Variants in SPATS2 observed in about 807,000 individuals in gnomAD.
SPATS2 encodes spermatogenesis associated serine rich 2, also known as spermatogenesis-associated serine-rich protein 2.
SPATS2 carries 38 observed loss-of-function variants against 63.7 expected under a neutral mutation model. That is an observed-to-expected ratio of 0.60 (90% confidence interval 0.46 to 0.78). The LOEUF is 0.78. SPATS2 is among the 30% of genes least tolerant of loss of function. The pLI is 0.00. For missense variants in SPATS2, 588 were observed against 666.2 expected (o/e 0.88, Z 1.29); for synonymous variants, 207 against 232.9 (o/e 0.89, Z 1.01).
intron 2 of SPATS2, among the ~76,000 whole-genome samples, chr12:49,375,120 A>T (rs1018004644): frequency 6.7e-6 from 1 of 149,836 alleles, no homozygotes; most frequent in Non-Finnish European, 1.5e-5. Flanking sequence ...AATTAACAAG[A>T]TGTATGATTG....
chr12:49,389,985 G>A lies in SPATS2; in HGVS notation c.-244+18695G>A, dbSNP rs1944391783. ...TGAAGAAAGCCATTGAAATTGACAA[G>A]CAACAGGATTGCAAGGAACAAGAAC... On this transcript the variant is annotated intron_variant, in intron 2 of 13. Coordinates refer to ENST00000552918, the MANE Select transcript of SPATS2 (RefSeq NM_023071.4). 2.2e-5 allele frequency: 18 copies of A among 833,010 alleles called. No individual in the cohort carries two copies. The South Asian group carries it at 2.2e-4, about 10-fold the overall frequency. The allele number at this position is 833,010 out of a possible 1,614,324, so 51.6% of individuals were successfully genotyped here.
At chr12:49,520,831 G>A (rs564008526) in intron 11 of SPATS2, among the ~76,000 whole-genome samples, 139 of 151,776 alleles carry the variant, frequency 9.2e-4, no homozygotes, top group Non-Finnish European at 1.6e-3. Context: ...CGATTCTCGT[G>A]CCTCAGCCTC....
intron 2 of SPATS2, among the ~76,000 whole-genome samples, chr12:49,396,471 A>G (rs1324622789): frequency 6.6e-6 from 1 of 152,146 alleles, no homozygotes; most frequent in East Asian, 1.9e-4. Flanking sequence ...CTTGAGTCCT[A>G]TGTACCTCAG....
chr12:49,390,504 T>A (rs190589733), intron 2 of SPATS2, among the ~76,000 whole-genome samples: 1 of 152,324 alleles, frequency 6.6e-6, no homozygotes, highest in East Asian at 1.9e-4. Context: ...CATAAAATTA[T>A]ATCAATTTAA....
At chr12:49,425,653 C>G (rs535869836) in intron 2 of SPATS2, among the ~76,000 whole-genome samples, 5 of 150,998 alleles carry the variant, frequency 3.3e-5, no homozygotes, top group African/African-American at 9.7e-5. Context: ...TTTTTTGAGA[C>G]GGAGTCTTCT....
At chr12:49,501,788 T>G (rs1028307428) in intron 9 of SPATS2, among the ~76,000 whole-genome samples, 2 of 152,118 alleles carry the variant, frequency 1.3e-5, no homozygotes, top group Admixed American at 1.3e-4. Context: ...GCTAATTTTT[T>G]GTGTGTTTTT....
At chr12:49,497,738 T>A (rs1051020895) in intron 8 of SPATS2, among the ~76,000 whole-genome samples, 7 of 152,214 alleles carry the variant, frequency 4.6e-5, no homozygotes, top group Non-Finnish European at 1.0e-4. Flanking sequence ...CTTCATAACT[T>A]CATGCTCTTA....
chr12:49,373,662 C>T (rs575282030), intron 2 of SPATS2, among the ~76,000 whole-genome samples: 21 of 152,036 alleles, frequency 1.4e-4, no homozygotes, highest in Non-Finnish European at 2.8e-4. Flanking sequence ...CATGGTGGCT[C>T]AAGCCTGTAA....
chr12:49,376,005 G>T (rs1454478433), intron 2 of SPATS2, among the ~76,000 whole-genome samples: 1 of 151,062 alleles, frequency 6.6e-6, no homozygotes, highest in East Asian at 1.9e-4. Context: ...GTCCAGGCTG[G>T]TCTCAAACAC....
chr12:49,522,695 A>G, intron 11 of SPATS2, 56 bp from the exon 12 acceptor site: 1 of 1,393,166 alleles, frequency 7.2e-7, no homozygotes, highest in Non-Finnish European at 1.0e-6. Flanking sequence ...AGCAAGTTAT[A>G]GATTCCATGG....
At chr12:49,409,591 A>ATTTTT (rs1565707922) in intron 2 of SPATS2, among the ~76,000 whole-genome samples, 2 of 123,316 alleles carry the variant, frequency 1.6e-5, no homozygotes, top group Non-Finnish European at 1.7e-5. Flanking sequence ...TGTGCCCAGC[A>ATTTTT]ATTTTTTTTT....
rs183211694 is a variant in SPATS2, at chr12:49,379,437, G to C, written c.-244+8147G>C. On this transcript the variant is annotated intron_variant, in intron 2 of 13. Transcript: ENST00000552918. The stretch of plus-strand genomic sequence containing the variant: ...ATGGTAGCGGGTGCCTGTAGTCCCA[G>C]CTACTCAGGAGGTTGAGGCAGGAGA... Among the ~76,000 whole-genome samples, 424 of 146,808 alleles carry C rather than the reference G, an allele frequency of 2.9e-3. 1 individual carries two copies. The highest frequency in any genetic ancestry group is 0.024 in the Middle Eastern group (7 of 288).
chr12:49,446,732 C>A (rs924427177), intron 2 of SPATS2, among the ~76,000 whole-genome samples: 1 of 152,210 alleles, frequency 6.6e-6, no homozygotes, highest in Non-Finnish European at 1.5e-5. Flanking sequence ...TGGGCCCATC[C>A]AGATAATCCA....
chr12:49,484,219 C>T (rs921906655), intron 3 of SPATS2, among the ~76,000 whole-genome samples: 21 of 152,132 alleles, frequency 1.4e-4, no homozygotes, highest in Admixed American at 2.6e-4. Context: ...ACAGAAGCTC[C>T]CATCCCACTC....
intron 2 of SPATS2, among the ~76,000 whole-genome samples, chr12:49,460,179 G>C (rs766400290): frequency 5.4e-5 from 8 of 149,098 alleles, no homozygotes; most frequent in Non-Finnish European, 3.0e-5. Flanking sequence ...TGGATGGGAA[G>C]ATCAAATGGC....
At chr12:49,514,013 CGAGCGT>C (rs1332110159) in intron 9 of SPATS2, among the ~76,000 whole-genome samples, 1 of 151,960 alleles carries the variant, frequency 6.6e-6, no homozygotes, top group Non-Finnish European at 1.5e-5. Context: ...AAAAAATAGA[CGAGCGT>C]GGTGGCGGGC....
rs111655814 is a variant in SPATS2, at chr12:49,475,427, CTTGTTG to C, written c.26-9139_26-9134del. On this transcript the variant is annotated intron_variant, in intron 3 of 13. Coordinates refer to ENST00000552918, the MANE Select transcript of SPATS2 (RefSeq NM_023071.4). The stretch of plus-strand genomic sequence containing the variant: ...TCTTTACTGGTGTACTGGTAGAATT[CTTGTTG>C]TTGTTGTTGTTGTTGTTGTTGTTTT... Among the ~76,000 whole-genome samples the C allele has an allele frequency of 2.6e-3, 390 of 151,390 alleles. 1 individual carries two copies. The highest frequency in any genetic ancestry group is 8.8e-3 in the African/African-American group (364 of 41,216).
intron 8 of SPATS2, 65 bp downstream of exon 8, chr12:49,497,074 TTATCTC>T: frequency 1.4e-6 from 2 of 1,435,604 alleles, no homozygotes; most frequent in Non-Finnish European, 1.9e-6. Flanking sequence ...AGAGGGCAAA[TTATCTC>T]TGTTGCCATA....
At chr12:49,523,849 G>A (rs898044489) in intron 12 of SPATS2, among the ~76,000 whole-genome samples, 22 of 152,116 alleles carry the variant, frequency 1.4e-4, no homozygotes, top group Non-Finnish European at 1.3e-4. Flanking sequence ...CTAATCGGGA[G>A]GCTGAGGCAG....
Sources: allele counts gnomAD v4.1 joint callset (sites outside exome capture counted in the v4.1 genomes callset), GRCh38; gene constraint gnomAD v4.1.1; transcripts MANE v1.5; gene names NCBI Gene and HGNC (gene_info 2026-07-23, HGNC 2026-07-21).